SNTG1: variants seen among roughly 807,000 people sequenced by gnomAD.
The protein encoded by SNTG1 is gamma-1-syntrophin.
Under a neutral mutation model 74.7 loss-of-function variants are expected in SNTG1, and 39 were observed. That is an observed-to-expected ratio of 0.52 (90% CI 0.40 to 0.68). The LOEUF (loss-of-function observed/expected upper bound fraction) is 0.68, where lower values mean the gene tolerates loss of function less well. SNTG1 is among the 30% of genes least tolerant of loss of function. The pLI is 0.00. For missense variants in SNTG1, 685 were observed against 609.5 expected, an observed-to-expected ratio of 1.12 and a Z score of -1.30; for synonymous variants, 254 against 217.1, an observed-to-expected ratio of 1.17 and a Z score of -1.49.
chr8:50,165,179 G>A (rs1250007247), intron 1 of SNTG1, among the ~76,000 whole-genome samples: 1 of 152,172 alleles, frequency 6.6e-6, no homozygotes, highest in Non-Finnish European at 1.5e-5. Context: ...AGAGCAATTA[G>A]CTTCATATTG....
intron 9 of SNTG1, among the ~76,000 whole-genome samples, chr8:50,506,879 C>T (rs1350946282): frequency 6.6e-6 from 1 of 151,908 alleles, no homozygotes; most frequent in African/African-American, 2.4e-5. Context: ...GGCATCCTTG[C>T]CTTATTCTTA....
At chr8:50,361,174 AC>A (rs1226305264) in intron 2 of SNTG1, among the ~76,000 whole-genome samples, 3 of 152,108 alleles carry the variant, frequency 2.0e-5, no homozygotes, top group African/African-American at 4.8e-5. Flanking sequence ...GGAAACTAAT[AC>A]CCAAAGACAC....
intron 13 of SNTG1, among the ~76,000 whole-genome samples, chr8:50,597,297 A>T (rs2094734574): frequency 6.6e-6 from 1 of 150,412 alleles, no homozygotes; most frequent in South Asian, 2.1e-4. Context: ...ATATACACAC[A>T]CATATATATA....
At chr8:50,020,874 G>A (rs1193969950) in intron 1 of SNTG1, among the ~76,000 whole-genome samples, 1 of 152,134 alleles carries the variant, frequency 6.6e-6, no homozygotes, top group East Asian at 1.9e-4. Flanking sequence ...TAAGAAATCT[G>A]ATGGGAAAAT....
intron 2 of SNTG1, among the ~76,000 whole-genome samples, chr8:50,180,400 T>A (rs2083158385): frequency 6.6e-6 from 1 of 152,166 alleles, no homozygotes; most frequent in Non-Finnish European, 1.5e-5. Flanking sequence ...TACTGGAAAT[T>A]TCTGAAGAGA....
intron 8 of SNTG1, among the ~76,000 whole-genome samples, chr8:50,489,898 T>G (rs1184648623): frequency 6.6e-6 from 1 of 152,198 alleles, no homozygotes; most frequent in Non-Finnish European, 1.5e-5. Flanking sequence ...TTTTCATGGT[T>G]TTAGGTCTTA....
chr8:50,253,888 G>T (rs759610260), intron 2 of SNTG1, among the ~76,000 whole-genome samples: 8 of 152,000 alleles, frequency 5.3e-5, no homozygotes, highest in Non-Finnish European at 1.0e-4. Flanking sequence ...GAAGCAGGGA[G>T]TAAAGCGAGG....
At chr8:50,178,706 T>C (rs1247960274) in intron 2 of SNTG1, among the ~76,000 whole-genome samples, 1 of 152,104 alleles carries the variant, frequency 6.6e-6, no homozygotes. Context: ...CATGTTCTGT[T>C]CATTATTTTT....
chr8:50,661,103 A>G (rs2095220679), intron 15 of SNTG1, among the ~76,000 whole-genome samples: 1 of 152,212 alleles, frequency 6.6e-6, no homozygotes, highest in South Asian at 2.1e-4. Context: ...TGTTTGCTAT[A>G]TACCAGGTAA....
At chr8:50,502,621 A>G (rs2093970697) in intron 8 of SNTG1, among the ~76,000 whole-genome samples, 157 bp from the exon 9 acceptor site, 1 of 152,192 alleles carries the variant, frequency 6.6e-6, no homozygotes, top group Non-Finnish European at 1.5e-5. Flanking sequence ...CTCTTACTGC[A>G]ATGATAAATA....
chr8:50,580,657 T>C (rs1307392666), intron 12 of SNTG1, among the ~76,000 whole-genome samples: 3 of 152,186 alleles, frequency 2.0e-5, no homozygotes, highest in East Asian at 3.9e-4. Flanking sequence ...CTCTTTTGCT[T>C]GGCACTTCTC....
At chr8:50,792,501 T>TA (rs2095693887) in intron 18 of SNTG1, among the ~76,000 whole-genome samples, 170 bp from the exon 19 acceptor site, 1 of 151,936 alleles carries the variant, frequency 6.6e-6, no homozygotes, top group Non-Finnish European at 1.5e-5. Context: ...TTTCACTACT[T>TA]ACGATGTTTA....
At chr8:50,532,599 C>T (rs2094277851) in intron 10 of SNTG1, among the ~76,000 whole-genome samples, 2 of 152,204 alleles carry the variant, frequency 1.3e-5, no homozygotes, top group Non-Finnish European at 2.9e-5. Context: ...GGTAATCAGA[C>T]CGTGCAGGCT....
intron 2 of SNTG1, among the ~76,000 whole-genome samples, chr8:50,217,992 T>A (rs760755631): frequency 1.3e-5 from 2 of 152,162 alleles, no homozygotes; most frequent in Non-Finnish European, 2.9e-5. Flanking sequence ...AAATCAAATA[T>A]AACAAAAATA....
At chr8:50,057,614 T>G (rs551517258) in intron 1 of SNTG1, among the ~76,000 whole-genome samples, 1 of 152,242 alleles carries the variant, frequency 6.6e-6, no homozygotes, top group East Asian at 1.9e-4. Flanking sequence ...GGTTAAGGAC[T>G]GCTTTAAGGA....
At chr8:50,516,672 A>T (rs1020876354) in intron 9 of SNTG1, among the ~76,000 whole-genome samples, 5 of 152,240 alleles carry the variant, frequency 3.3e-5, no homozygotes, top group Admixed American at 1.3e-4. Context: ...AGCCAAATTG[A>T]TCAAATAGAA....
chr8:49,969,049 A>T (rs542378854), intron 1 of SNTG1, among the ~76,000 whole-genome samples: 1 of 152,338 alleles, frequency 6.6e-6, no homozygotes, highest in African/African-American at 2.4e-5. Flanking sequence ...ACTGGGAATT[A>T]GTGTGTAAAA....
At chr8:49,966,020 T>C (rs1811103953) in intron 1 of SNTG1, among the ~76,000 whole-genome samples, 1 of 152,324 alleles carries the variant, frequency 6.6e-6, no homozygotes, top group South Asian at 2.1e-4. Context: ...TTCCTTGTTA[T>C]GACTTTTTGC....
intron 2 of SNTG1, among the ~76,000 whole-genome samples, chr8:50,387,648 A>G (rs1397994360): frequency 2.0e-5 from 3 of 152,190 alleles, no homozygotes; most frequent in Non-Finnish European, 4.4e-5. Context: ...AACATTATCC[A>G]AAATCATGAG....
Sources: allele counts gnomAD v4.1 joint callset (sites outside exome capture counted in the v4.1 genomes callset), GRCh38; gene constraint gnomAD v4.1.1; transcripts MANE v1.5; gene names NCBI Gene and HGNC (gene_info 2026-07-23, HGNC 2026-07-21).